PEX5L: variants seen among roughly 807,000 people sequenced by gnomAD.
PEX5L encodes PEX5-related protein.
A neutral mutation model predicts 84.0 loss-of-function variants in PEX5L; 30 were observed. The ratio of observed to expected loss-of-function variants is 0.36; its 90% CI spans 0.27 to 0.48. The LOEUF (loss-of-function observed/expected upper bound fraction) is 0.48, where lower values mean the gene tolerates loss of function less well. Ranked by LOEUF, PEX5L falls within the 20% of genes least tolerant of loss-of-function variation. The pLI is 0.99. For synonymous variants in PEX5L, 270 were observed against 283.1 expected (o/e 0.95, Z 0.46); for missense variants, 533 against 754.6 (o/e 0.71, Z 3.44).
intron 2 of PEX5L, among the ~76,000 whole-genome samples, chr3:179,909,925 A>C (rs1007628029): frequency 4.6e-5 from 7 of 152,194 alleles, no homozygotes; most frequent in Non-Finnish European, 7.3e-5. Context: ...AAACGGGAGA[A>C]AATAAAATAA....
In PEX5L at chr3:179,935,824, G is replaced by C. The variant is rs573547040; in HGVS notation, c.93+35770C>G. Among the ~76,000 whole-genome samples, 5 of 152,292 alleles carry C rather than the reference G, an allele frequency of 3.3e-5. No homozygotes were observed. In the South Asian group the frequency reaches 8.3e-4, roughly 25 times the overall value. ...AGCTTGATGCTATTCTTGTGATAGT[G>C]AATTCTCACACATGGGACTGGATTA... On this transcript the variant is annotated intron_variant, in intron 2 of 14. Coordinates refer to ENST00000467460, the MANE Select transcript of PEX5L (RefSeq NM_016559.3).
At chr3:179,973,794 C>T (rs1463559033) in intron 1 of PEX5L, 8 of 985,186 alleles carry the variant, frequency 8.1e-6, no homozygotes, top group African/African-American at 3.5e-5. Context: ...AAATTATGTC[C>T]CCCAACCAAT....
intron 3 of PEX5L, chr3:179,896,276 A>G (rs910128054): frequency 2.0e-5 from 3 of 152,156 alleles, no homozygotes; most frequent in Non-Finnish European, 4.4e-5. Flanking sequence ...CAACAGGTGC[A>G]TTAAATTTTT....
chr3:179,845,776 C>T (rs570117095), intron 8 of PEX5L, among the ~76,000 whole-genome samples: 30 of 152,124 alleles, frequency 2.0e-4, no homozygotes, highest in South Asian at 4.2e-4. Context: ...TGGGTTGGGC[C>T]CTATAAATCC....
chr3:179,877,143 C>T (rs914401017), intron 5 of PEX5L, among the ~76,000 whole-genome samples: 1 of 152,206 alleles, frequency 6.6e-6, no homozygotes, highest in African/African-American at 2.4e-5. Flanking sequence ...GGATGCTCAA[C>T]CTGTATTTGT....
At chr3:179,863,303 T>G (rs539408315) in intron 7 of PEX5L, among the ~76,000 whole-genome samples, 2 of 152,060 alleles carry the variant, frequency 1.3e-5, no homozygotes, top group Admixed American at 1.3e-4. Context: ...AATATGACAC[T>G]AAAAACATAG....
intron 11 of PEX5L, among the ~76,000 whole-genome samples, chr3:179,810,036 C>CA (rs1056145939): frequency 6.5e-5 from 6 of 92,132 alleles, no homozygotes; most frequent in Admixed American, 1.9e-4. Context: ...TTTTTTTAGA[C>CA]AGAGTCTCAC....
chr3:179,854,197 A>T (rs1244365577), intron 8 of PEX5L, among the ~76,000 whole-genome samples: 1 of 151,574 alleles, frequency 6.6e-6, no homozygotes, highest in African/African-American at 2.4e-5. Context: ...ATCCTCACCC[A>T]TATAAGGCTT....
At chr3:179,891,257 C>T (rs538671878) in intron 3 of PEX5L, among the ~76,000 whole-genome samples, 117 of 152,258 alleles carry the variant, frequency 7.7e-4, no homozygotes, top group African/African-American at 2.6e-3. Flanking sequence ...TACAACTAAG[C>T]TACTCCTGTG....
At chr3:179,951,885 G>A (rs1779187454) in intron 2 of PEX5L, among the ~76,000 whole-genome samples, 1 of 152,096 alleles carries the variant, frequency 6.6e-6, no homozygotes, top group Non-Finnish European at 1.5e-5. Flanking sequence ...AAACAAAATG[G>A]CTTAAATAAC....
At chr3:179,802,811 T>G (rs1275023815) in intron 14 of PEX5L, among the ~76,000 whole-genome samples, 1 of 151,950 alleles carries the variant, frequency 6.6e-6, no homozygotes, top group African/African-American at 2.4e-5. Context: ...ATTGAGTTTA[T>G]TACTGGGCAC....
rs1461425653 is a variant in PEX5L at position 179,797,599 on chromosome 3, A to T, written c.*4229T>A. 1.0e-4 allele frequency: 11 copies of T among 108,074 alleles called. No individual in the cohort carries two copies. Among genetic ancestry groups the T allele is most frequent in the South Asian group, 2.9e-4 (1 of 3,488 alleles). The allele number at this position is 108,074 out of a possible 1,614,324, so 6.7% of individuals were successfully genotyped here. A position where few individuals can be genotyped will look rare whatever the true frequency, so the allele number is the denominator to read the frequency against. On this transcript the variant is annotated 3_prime_UTR_variant, in exon 15 of 15. Transcript: ENST00000467460. ...TCTATGAACACTCTTTAAAAAAAAA[A>T]AAAAAAATATATATATATATATATA...
intron 8 of PEX5L, among the ~76,000 whole-genome samples, chr3:179,842,783 T>C (rs1737771470): frequency 6.6e-6 from 1 of 152,082 alleles, no homozygotes; most frequent in African/African-American, 2.4e-5. Flanking sequence ...TCACAGGACA[T>C]AGATTAAGGA....
In PEX5L at chr3:179,859,119, T is replaced by A; in HGVS notation, c.765A>T (p.Leu255Phe). 1 of 1,614,066 alleles carries A rather than the reference T, an allele frequency of 6.2e-7. No homozygotes were observed. Among genetic ancestry groups the A allele is most frequent in the Non-Finnish European group, 8.5e-7 (1 of 1,179,890 alleles). The change falls in exon 8 of 15, where the codon TTA becomes TTT. Residue 255 changes from leucine (L) to phenylalanine (F), a missense_variant. Around this residue, in one of 8 missense-constraint regions of PEX5L, gnomAD observed 259 missense variants for 301.7 expected, o/e 0.86. Coordinates refer to ENST00000467460, the MANE Select transcript of PEX5L (RefSeq NM_016559.3). ...LTKEHRWGSA[L>F]LSRNHSLEEE... ...CTTCTAAGGAGTGGTTTCTAGAAAGTAATGCGCTTCCCCAGCGATGTTCTT... is the reference window on the plus strand; with the variant it reads ...CTTCTAAGGAGTGGTTTCTAGAAAGAAATGCGCTTCCCCAGCGATGTTCTT...
At chr3:179,922,721 T>TG (rs2109434424) in intron 2 of PEX5L, among the ~76,000 whole-genome samples, 1 of 152,070 alleles carries the variant, frequency 6.6e-6, no homozygotes, top group South Asian at 2.1e-4. Flanking sequence ...CCCAAAGTGC[T>TG]GGGATTACAG....
At chr3:179,992,233 G>A (rs565996088) in intron 1 of PEX5L, among the ~76,000 whole-genome samples, 13 of 152,104 alleles carry the variant, frequency 8.5e-5, no homozygotes, top group Non-Finnish European at 1.3e-4. Flanking sequence ...TTAAGATTTG[G>A]TCATGCCAGG....
At chr3:180,007,733 A>G (rs1333320834) in intron 1 of PEX5L, among the ~76,000 whole-genome samples, 4 of 152,230 alleles carry the variant, frequency 2.6e-5, no homozygotes, top group African/African-American at 9.6e-5. Context: ...GGAAGCTGCC[A>G]AGGTTTGTGG....
intron 4 of PEX5L, among the ~76,000 whole-genome samples, chr3:179,884,626 C>A (rs1416238806): frequency 6.6e-6 from 1 of 152,102 alleles, no homozygotes; most frequent in Non-Finnish European, 1.5e-5. Flanking sequence ...GTGTTTACAC[C>A]AGGATTCAAA....
chr3:179,949,333 T>C (rs1034784661), intron 2 of PEX5L, among the ~76,000 whole-genome samples: 1 of 152,234 alleles, frequency 6.6e-6, no homozygotes, highest in African/African-American at 2.4e-5. Flanking sequence ...CTTAACACAG[T>C]GGATCTTTCC....
Sources: allele counts gnomAD v4.1 joint callset (sites outside exome capture counted in the v4.1 genomes callset), GRCh38; gene constraint gnomAD v4.1.1; regional missense constraint gnomAD v4.1.1; transcripts MANE v1.5; gene names NCBI Gene and HGNC (gene_info 2026-07-23, HGNC 2026-07-21).